MGST3: variants seen among roughly 807,000 people sequenced by gnomAD.
MGST3 encodes microsomal glutathione S-transferase 3, also known as glutathione S-transferase 3, mitochondrial.
A neutral mutation model predicts 15.8 loss-of-function variants in MGST3; 13 were observed. The ratio of observed to expected loss-of-function variants is 0.82; its 90% confidence interval spans 0.54 to 1.31. The LOEUF is 1.31. Ranked by LOEUF, MGST3 falls within the 50% of genes most tolerant of loss-of-function variation. The pLI is 0.00. For missense variants in MGST3, 155 were observed against 192.4 expected (o/e 0.81, Z 1.15); for synonymous variants, 49 against 68.1 (o/e 0.72, Z 1.38).
At chr1:165,634,768 T>C (rs1484299073) in intron 1 of MGST3, among the ~76,000 whole-genome samples, 3 of 96,650 alleles carry the variant, frequency 3.1e-5, no homozygotes, top group African/African-American at 4.2e-5. Flanking sequence ...TCCCTCCCTC[T>C]CTCTCCCTCC....
chr1:165,638,504 C>A lies in MGST3; in HGVS notation c.-8+7211C>A, dbSNP rs148674801. Among the ~76,000 whole-genome samples, 7 of 152,190 alleles carry A rather than the reference C, an allele frequency of 4.6e-5. No homozygotes were observed. In the East Asian group the frequency reaches 1.2e-3, roughly 25 times the overall value. ...AAAACAAAACAAAACAAAAACCCAGCCAGGTACGGTGGCTCACACCTGTAA... is the reference window on the plus strand; with the variant it reads ...AAAACAAAACAAAACAAAAACCCAGACAGGTACGGTGGCTCACACCTGTAA... On this transcript the variant is annotated intron_variant, in intron 1 of 5. Transcript: ENST00000367889.
chr1:165,648,158 G>A (rs1362545314), intron 1 of MGST3, among the ~76,000 whole-genome samples: 12 of 152,230 alleles, frequency 7.9e-5, no homozygotes, highest in Non-Finnish European at 4.4e-5. Flanking sequence ...AGCTTGGAGG[G>A]AAGCCAGAGA....
chr1:165,635,996 C>T (rs959613572), intron 1 of MGST3, among the ~76,000 whole-genome samples: 1 of 152,142 alleles, frequency 6.6e-6, no homozygotes. Flanking sequence ...TTTTCATTAC[C>T]TAGGTTTCTG....
At chr1:165,653,705 G>A in intron 4 of MGST3, 1 of 156,636 alleles carries the variant, frequency 6.4e-6, no homozygotes, top group Admixed American at 6.2e-5. Flanking sequence ...AGGACATTGG[G>A]AACAGGGAGA....
At chr1:165,642,447 A>C (rs1306277508) in intron 1 of MGST3, among the ~76,000 whole-genome samples, 2 of 152,206 alleles carry the variant, frequency 1.3e-5, no homozygotes, top group East Asian at 1.9e-4. Context: ...GGCTGCTGAG[A>C]GTTCAGAAAA....
At chr1:165,635,044 G>A (rs773481906) in intron 1 of MGST3, among the ~76,000 whole-genome samples, 4 of 151,720 alleles carry the variant, frequency 2.6e-5, no homozygotes, top group Non-Finnish European at 5.9e-5. Context: ...ATGAGATGTT[G>A]TCTTTATTTT....
At chr1:165,638,793 T>TC (rs144430330) in intron 1 of MGST3, among the ~76,000 whole-genome samples, 75,837 of 144,166 alleles carry the variant, frequency 0.53, 20,799 homozygotes, top group East Asian at 0.8. Flanking sequence ...AGACTCCGTC[T>TC]TAAAAAAAAA....
chr1:165,640,007 G>C (rs1648221749), intron 1 of MGST3, among the ~76,000 whole-genome samples: 1 of 152,146 alleles, frequency 6.6e-6, no homozygotes, highest in Non-Finnish European at 1.5e-5. Flanking sequence ...GTTGAGGTAT[G>C]CCTGATCCAT....
chr1:165,650,465 C>G (rs547444787), intron 2 of MGST3: 2 of 192,282 alleles, frequency 1.0e-5, no homozygotes, highest in African/African-American at 4.7e-5. Context: ...CCAAAGTTGT[C>G]CCTGGTGAGT....
intron 1 of MGST3, among the ~76,000 whole-genome samples, chr1:165,638,519 C>G (rs1571148547): frequency 6.6e-6 from 1 of 152,100 alleles, no homozygotes; most frequent in South Asian, 2.1e-4. Context: ...TACGGTGGCT[C>G]ACACCTGTAA....
At chr1:165,636,162 A>C (rs920413815) in intron 1 of MGST3, among the ~76,000 whole-genome samples, 2 of 152,124 alleles carry the variant, frequency 1.3e-5, no homozygotes, top group African/African-American at 4.8e-5. Context: ...TTTCTGTCCT[A>C]TCATAGAAAC....
At chr1:165,636,213 T>C (rs1193469879) in intron 1 of MGST3, among the ~76,000 whole-genome samples, 1 of 152,110 alleles carries the variant, frequency 6.6e-6, no homozygotes, top group African/African-American at 2.4e-5. Context: ...TGGGTGTGTG[T>C]GTTGTCATTT....
chr1:165,632,862 T>C (rs978038821), intron 1 of MGST3, among the ~76,000 whole-genome samples: 6 of 152,038 alleles, frequency 3.9e-5, no homozygotes, highest in African/African-American at 1.4e-4. Flanking sequence ...CTTTACCCAC[T>C]ATTCAGAGAA....
chr1:165,631,719 CA>C (rs984596882), intron 1 of MGST3, among the ~76,000 whole-genome samples: 1 of 152,182 alleles, frequency 6.6e-6, no homozygotes, highest in African/African-American at 2.4e-5. Flanking sequence ...AGTGGTTGTG[CA>C]GGCCTGATCA....
chr1:165,649,847 G>C lies in MGST3; in HGVS notation c.-1G>C, dbSNP rs1381026764. On this transcript the variant is annotated 5_prime_UTR_variant, in exon 2 of 6. Coordinates refer to ENST00000367889, the MANE Select transcript of MGST3 (RefSeq NM_004528.4). ...CGTGTTCTTTCTTCCACAGACGCAA[G>C]ATGGCTGTCCTCTCTAAGGAATATG... 6.2e-7 allele frequency: 1 copy of C among 1,614,114 alleles called. No individual in the cohort carries two copies.
intron 1 of MGST3, among the ~76,000 whole-genome samples, chr1:165,642,060 C>T (rs919696065): frequency 6.6e-6 from 1 of 152,176 alleles, no homozygotes; most frequent in Non-Finnish European, 1.5e-5. Context: ...TCTTTCCCTA[C>T]CCATTTATTT....
At chr1:165,648,735 T>C (rs10918226) in intron 1 of MGST3, 134,501 of 152,214 alleles carry the variant, frequency 0.88, 59,460 homozygotes, top group East Asian at 1. Flanking sequence ...TGCATGCCTA[T>C]CCCAAATTCT....
rs1355168268 is a variant in MGST3, at chr1:165,655,886, C to T, written c.*382C>T. 7 of 243,106 alleles carry T rather than the reference C, an allele frequency of 2.9e-5. No homozygotes were observed. In the Admixed American group the frequency reaches 3.6e-4, roughly 13 times the overall value. 15.1% of individuals were successfully genotyped at this position (243,106 alleles called of 1,614,324 possible). A position where few individuals can be genotyped will look rare whatever the true frequency, so the allele number is the denominator to read the frequency against. Reference sequence around the variant, plus strand: ...CAGATACTCCAAGGCCAAAGGAATGCTTGAGCCTAAAAGTTCAAGACCAGC... The same window carrying T: ...CAGATACTCCAAGGCCAAAGGAATGTTTGAGCCTAAAAGTTCAAGACCAGC... On this transcript the variant is annotated 3_prime_UTR_variant, in exon 6 of 6. Coordinates refer to ENST00000367889, the MANE Select transcript of MGST3 (RefSeq NM_004528.4).
At chr1:165,641,724 C>T (rs1648270912) in intron 1 of MGST3, among the ~76,000 whole-genome samples, 1 of 152,144 alleles carries the variant, frequency 6.6e-6, no homozygotes, top group African/African-American at 2.4e-5. Flanking sequence ...CTAAAGCTTG[C>T]AGGGGCTATG....
Sources: allele counts gnomAD v4.1 joint callset (sites outside exome capture counted in the v4.1 genomes callset), GRCh38; gene constraint gnomAD v4.1.1; transcripts MANE v1.5; gene names NCBI Gene and HGNC (gene_info 2026-07-23, HGNC 2026-07-21).